HMGB1: variants seen among roughly 807,000 people sequenced by gnomAD.
HMGB1 encodes high mobility group protein B1.
For synonymous variants in HMGB1, 81 were observed against 84.0 expected (o/e 0.96, Z 0.19); for missense variants, 79 against 253.5 (o/e 0.31, Z 4.67).
intron 1 of HMGB1, among the ~76,000 whole-genome samples, chr13:30,570,695 T>A (rs1254886344): frequency 6.6e-6 from 1 of 152,220 alleles, no homozygotes; most frequent in Non-Finnish European, 1.5e-5. Flanking sequence ...AAAAGCGTAA[T>A]GTTGGTTACT....
chr13:30,533,040 T>C (rs1888532354), intron 1 of HMGB1, among the ~76,000 whole-genome samples: 1 of 152,138 alleles, frequency 6.6e-6, no homozygotes. Flanking sequence ...ACTTCACCTG[T>C]AAAGTAAGGG....
intron 1 of HMGB1, among the ~76,000 whole-genome samples, chr13:30,604,991 C>A (rs2137568198): frequency 6.6e-6 from 1 of 152,214 alleles, no homozygotes; most frequent in Non-Finnish European, 1.5e-5. Flanking sequence ...ACCATATTCG[C>A]TGAGGGATTA....
At chr13:30,507,641 G>A (rs904374059) in intron 1 of HMGB1, among the ~76,000 whole-genome samples, 5 of 152,118 alleles carry the variant, frequency 3.3e-5, no homozygotes, top group Non-Finnish European at 5.9e-5. Flanking sequence ...CTCCAGTTCC[G>A]GGATACCATT....
intron 1 of HMGB1, among the ~76,000 whole-genome samples, chr13:30,509,037 C>T (rs1272163363): frequency 6.6e-6 from 1 of 151,078 alleles, no homozygotes; most frequent in Non-Finnish European, 1.5e-5. Flanking sequence ...TGGGTTCAAG[C>T]CATCCTTCTG....
At chr13:30,489,323 C>A (rs1887432888) in intron 1 of HMGB1, among the ~76,000 whole-genome samples, 1 of 152,016 alleles carries the variant, frequency 6.6e-6, no homozygotes, top group Admixed American at 6.6e-5. Context: ...TAGTGAGACC[C>A]CCATCTCAAA....
chr13:30,479,226 G>T (rs1337173849), intron 1 of HMGB1, among the ~76,000 whole-genome samples: 1 of 152,116 alleles, frequency 6.6e-6, no homozygotes, highest in African/African-American at 2.4e-5. Flanking sequence ...TTGGACCTTA[G>T]TCCGAATCTT....
At chr13:30,483,089 G>A (rs1308071013) in intron 1 of HMGB1, among the ~76,000 whole-genome samples, 2 of 152,004 alleles carry the variant, frequency 1.3e-5, no homozygotes, top group African/African-American at 4.8e-5. Context: ...CACCATGGCT[G>A]GTCCTTTACC....
chr13:30,604,106 A>T (rs1199164958), intron 1 of HMGB1, among the ~76,000 whole-genome samples: 1 of 151,070 alleles, frequency 6.6e-6, no homozygotes, highest in Non-Finnish European at 1.5e-5. Flanking sequence ...AGTGGAAACG[A>T]TGCCCTTTTC....
intron 1 of HMGB1, among the ~76,000 whole-genome samples, chr13:30,567,343 ATTT>A (rs34781585): frequency 3.6e-5 from 5 of 138,806 alleles, no homozygotes; most frequent in Admixed American, 7.3e-5. Flanking sequence ...TGTTAACCAA[ATTT>A]TTTTTTTTTT....
intron 1 of HMGB1, among the ~76,000 whole-genome samples, chr13:30,480,784 A>G (rs541049884): frequency 6.6e-6 from 1 of 151,628 alleles, no homozygotes; most frequent in African/African-American, 2.4e-5. Context: ...CTTCTCTCTC[A>G]TGCTTGGCAA....
At chr13:30,593,088 G>T (rs74043508) in intron 1 of HMGB1, among the ~76,000 whole-genome samples, 8,741 of 152,232 alleles carry the variant, frequency 0.057, 645 homozygotes, top group African/African-American at 0.17. Flanking sequence ...TTTAATGCAA[G>T]AGAATAGGTA....
At chr13:30,515,046 T>C (rs1037612494) in intron 1 of HMGB1, among the ~76,000 whole-genome samples, 7 of 152,218 alleles carry the variant, frequency 4.6e-5, no homozygotes, top group African/African-American at 1.4e-4. Context: ...ACCCTCATCA[T>C]ACTAAATCAT....
intron 4 of HMGB1, 110 bp downstream of exon 4, chr13:30,462,428 C>T (rs1230258169): frequency 2.3e-6 from 2 of 874,942 alleles, no homozygotes; most frequent in East Asian, 4.8e-5. Context: ...TATATCAACA[C>T]CATACTTAAT....
chr13:30,592,456 C>T (rs2137554491), intron 1 of HMGB1, among the ~76,000 whole-genome samples: 1 of 152,180 alleles, frequency 6.6e-6, no homozygotes, highest in African/African-American at 2.4e-5. Context: ...TACCCATTCC[C>T]CTATGTTATG....
intron 1 of HMGB1, among the ~76,000 whole-genome samples, chr13:30,609,299 G>A (rs1360810538): frequency 1.3e-5 from 2 of 152,014 alleles, no homozygotes; most frequent in African/African-American, 4.8e-5. Context: ...GTGAAAGGCC[G>A]TGATCATTGG....
chr13:30,530,180 G>A (rs1888462961), intron 1 of HMGB1, among the ~76,000 whole-genome samples: 1 of 152,104 alleles, frequency 6.6e-6, no homozygotes, highest in Non-Finnish European at 1.5e-5. Context: ...TAAAACACCT[G>A]ACTTCTTGTG....
chr13:30,483,256 G>A (rs151045085), intron 1 of HMGB1, among the ~76,000 whole-genome samples: 192 of 152,182 alleles, frequency 1.3e-3, no homozygotes, highest in African/African-American at 4.4e-3. Flanking sequence ...AGCCTGGCAC[G>A]GCCATAAAGA....
chr13:30,465,514 T>C (rs547108767), intron 1 of HMGB1, among the ~76,000 whole-genome samples: 10 of 150,696 alleles, frequency 6.6e-5, no homozygotes, highest in Non-Finnish European at 1.2e-4. Flanking sequence ...AAAAATTTTT[T>C]TTTTTGCGCC....
intron 1 of HMGB1, among the ~76,000 whole-genome samples, chr13:30,562,147 TC>T (rs1869983682): frequency 6.6e-6 from 1 of 151,622 alleles, no homozygotes; most frequent in African/African-American, 2.4e-5. Context: ...CATGGCAAAA[TC>T]CCACCTCTAC....
Sources: gnomAD v4.1 joint callset for allele counts (sites outside exome capture counted in the v4.1 genomes callset) on GRCh38, gnomAD v4.1.1 for gene constraint, MANE v1.5 for transcripts, NCBI Gene and HGNC (gene_info 2026-07-23, HGNC 2026-07-21) for gene names.